Variants in GSG1L observed in about 807,000 individuals in gnomAD.
GSG1L encodes germ cell-specific gene 1-like protein.
GSG1L carries 24 observed loss-of-function variants against 42.1 expected under a neutral mutation model. The ratio of observed to expected loss-of-function variants is 0.57; its 90% CI spans 0.41 to 0.80. GSG1L has a LOEUF of 0.80. Among genes scored for constraint, GSG1L ranks in the 30% least tolerant of loss-of-function variants. The pLI, the probability that GSG1L is intolerant of heterozygous loss-of-function variation, is 0.00. For missense variants in GSG1L, 445 were observed against 472.2 expected, an observed-to-expected ratio of 0.94 and a Z score of 0.53; for synonymous variants, 215 against 203.5, an observed-to-expected ratio of 1.06 and a Z score of -0.48.
intron 1 of GSG1L, among the ~76,000 whole-genome samples, chr16:27,972,451 T>C (rs900918836): frequency 4.4e-4 from 67 of 152,392 alleles, no homozygotes; most frequent in African/African-American, 1.6e-3. Context: ...TGGCACCATA[T>C]TGGCTTGCCG....
chr16:27,813,343 G>A lies in GSG1L; in HGVS notation c.831-5789C>T, dbSNP rs1214493823. On this transcript the variant is annotated intron_variant, in intron 5 of 6. Transcript: ENST00000447459. Reference sequence around the variant, plus strand: ...GCAGTATTTGGTTTTCTGTTCCTGCGTTGGTTTGCTAAGGATAATGGCCTC... The same window carrying A: ...GCAGTATTTGGTTTTCTGTTCCTGCATTGGTTTGCTAAGGATAATGGCCTC... Among the ~76,000 whole-genome samples, 4 of 152,080 alleles carry A rather than the reference G, an allele frequency of 2.6e-5. No homozygotes were observed. The South Asian group carries it at 6.2e-4, about 24-fold the overall frequency.
chr16:27,979,519 A>G (rs1330147956), intron 1 of GSG1L, among the ~76,000 whole-genome samples: 1 of 149,186 alleles, frequency 6.7e-6, no homozygotes, highest in Non-Finnish European at 1.5e-5. Flanking sequence ...TGAGCCACCA[A>G]GATCATGCCC....
chr16:28,039,706 G>C (rs908927824), intron 1 of GSG1L, among the ~76,000 whole-genome samples: 1 of 150,462 alleles, frequency 6.6e-6, no homozygotes, highest in African/African-American at 2.5e-5. Context: ...ACACATGCCT[G>C]TGCACACACA....
chr16:27,911,135 G>A (rs75368197), intron 2 of GSG1L, among the ~76,000 whole-genome samples: 3,263 of 152,200 alleles, frequency 0.021, 67 homozygotes, highest in East Asian at 0.052. Flanking sequence ...AGCAGCTGCC[G>A]GATCCTGCTG....
intron 1 of GSG1L, among the ~76,000 whole-genome samples, chr16:28,047,607 G>A (rs902829474): frequency 1.3e-5 from 2 of 152,012 alleles, no homozygotes; most frequent in African/African-American, 4.8e-5. Context: ...AGTCTAGTAA[G>A]AGATATATCA....
At chr16:27,871,551 T>A (rs1435383642) in intron 3 of GSG1L, among the ~76,000 whole-genome samples, 1 of 152,016 alleles carries the variant, frequency 6.6e-6, no homozygotes, top group Non-Finnish European at 1.5e-5. Flanking sequence ...GGTGGAAGGA[T>A]CACCTGAGCT....
At chr16:28,003,353 C>T (rs989818808) in intron 1 of GSG1L, among the ~76,000 whole-genome samples, 1 of 152,214 alleles carries the variant, frequency 6.6e-6, no homozygotes, top group African/African-American at 2.4e-5. Flanking sequence ...GGGACGGGAG[C>T]CATGGGAGCT....
At chr16:27,829,133 A>G (rs559914850) in intron 4 of GSG1L, among the ~76,000 whole-genome samples, 177 bp from the exon 5 acceptor site, 1 of 152,294 alleles carries the variant, frequency 6.6e-6, no homozygotes, top group East Asian at 1.9e-4. Context: ...AGTCTGGGAG[A>G]CAGAGAATTA....
At chr16:27,910,249 A>G (rs2084372302) in intron 2 of GSG1L, among the ~76,000 whole-genome samples, 1 of 151,730 alleles carries the variant, frequency 6.6e-6, no homozygotes, top group African/African-American at 2.4e-5. Context: ...GGCATGAGCC[A>G]CTACACCCAG....
chr16:27,968,901 G>A (rs946612121), intron 1 of GSG1L, among the ~76,000 whole-genome samples: 1 of 152,176 alleles, frequency 6.6e-6, no homozygotes, highest in Non-Finnish European at 1.5e-5. Context: ...TTGAGATCAG[G>A]AGTTCGAGAC....
At chr16:27,880,213 C>T (rs1187433258) in intron 3 of GSG1L, among the ~76,000 whole-genome samples, 1 of 152,212 alleles carries the variant, frequency 6.6e-6, no homozygotes, top group African/African-American at 2.4e-5. Flanking sequence ...GACCAGCCTC[C>T]CATGTCTTCC....
At chr16:27,892,078 T>G (rs1015600791) in intron 2 of GSG1L, among the ~76,000 whole-genome samples, 1 of 151,926 alleles carries the variant, frequency 6.6e-6, no homozygotes, top group Non-Finnish European at 1.5e-5. Context: ...AAAATCATTC[T>G]GTTTGAATGG....
At chr16:27,822,625 C>T (rs1263478806) in intron 5 of GSG1L, among the ~76,000 whole-genome samples, 1 of 152,080 alleles carries the variant, frequency 6.6e-6, no homozygotes, top group East Asian at 1.9e-4. Context: ...TGCTATGTTG[C>T]CCAGGCTAGT....
In GSG1L at chr16:28,029,884, A is replaced by G. The variant is rs558392461; in HGVS notation, c.349+33192T>C. ...AAGGATAGCGTGTGTGTGTGTGTGC[A>G]TGCACGCACATGTGGGCCGTGTGTG... On this transcript the variant is annotated intron_variant, in intron 1 of 6. Coordinates refer to ENST00000447459, the MANE Select transcript of GSG1L (RefSeq NM_001109763.2). Among the ~76,000 whole-genome samples, 11 of 152,272 alleles carry G rather than the reference A, an allele frequency of 7.2e-5. No individual in the cohort carries two copies. The East Asian group carries it at 1.5e-3, about 21-fold the overall frequency.
intron 2 of GSG1L, among the ~76,000 whole-genome samples, chr16:27,906,705 C>T (rs142581444): frequency 8.5e-5 from 13 of 152,314 alleles, no homozygotes; most frequent in African/African-American, 2.6e-4. Flanking sequence ...CCTACCCAAC[C>T]TTCTCTCCCC....
Position 27,789,509 on chromosome 16 carries a change from AGAT to A in GSG1L, c.*1858_*1860del, listed in dbSNP as rs906100270. 2.0e-5 allele frequency: 3 copies of A among 151,842 alleles called. No individual in the cohort carries two copies. The highest frequency in any genetic ancestry group is 6.6e-5 in the Admixed American group (1 of 15,242). The allele number at this position is 151,842 out of a possible 1,614,324, so 9.4% of individuals were successfully genotyped here. On this transcript the variant is annotated 3_prime_UTR_variant, in exon 7 of 7. Transcript: ENST00000447459. ...ATGAATGGATAGATAGTGGATGGAA[AGAT>A]GATGGATGATGGATGGAAGGATAAA...
At chr16:28,024,894 T>G (rs554292738) in intron 1 of GSG1L, among the ~76,000 whole-genome samples, 2 of 152,274 alleles carry the variant, frequency 1.3e-5, no homozygotes, top group South Asian at 4.1e-4. Flanking sequence ...GGGGAAGGCT[T>G]TCTTACATTT....
At chr16:27,944,801 A>G (rs1048226019) in intron 2 of GSG1L, among the ~76,000 whole-genome samples, 3 of 152,006 alleles carry the variant, frequency 2.0e-5, no homozygotes, top group African/African-American at 4.8e-5. Context: ...AGGGCCAGGT[A>G]TGGTGGCTCA....
intron 3 of GSG1L, among the ~76,000 whole-genome samples, chr16:27,871,467 C>A (rs1328393454): frequency 6.6e-6 from 1 of 152,070 alleles, no homozygotes; most frequent in Non-Finnish European, 1.5e-5. Flanking sequence ...CATGACGAAA[C>A]CCCGTCTCTA....
Sources: allele counts gnomAD v4.1 joint callset (sites outside exome capture counted in the v4.1 genomes callset), GRCh38; gene constraint gnomAD v4.1.1; transcripts MANE v1.5; gene names NCBI Gene and HGNC (gene_info 2026-07-23, HGNC 2026-07-21).